DPF3: variants seen among roughly 807,000 people sequenced by gnomAD.
DPF3 encodes the protein double PHD fingers 3.
Under a neutral mutation model 56.8 loss-of-function variants are expected in DPF3, and 18 were observed. The observed-to-expected ratio is 0.32, with a 90% CI of 0.22 to 0.47. DPF3 has a LOEUF of 0.47. Ranked by LOEUF, DPF3 falls within the 20% of genes least tolerant of loss-of-function variation. The probability of loss-of-function intolerance (pLI) is 1.00; values close to 1 mark genes in which losing one functional copy is unlikely to be tolerated. For synonymous variants in DPF3, 188 were observed against 180.2 expected (o/e 1.04, Z -0.35); for missense variants, 403 against 488.8 (o/e 0.82, Z 1.65).
chr14:72,851,822 C>A (rs1360612095), intron 1 of DPF3, among the ~76,000 whole-genome samples: 1 of 152,216 alleles, frequency 6.6e-6, no homozygotes, highest in Non-Finnish European at 1.5e-5. Context: ...GGGTAGGCAA[C>A]CGATATGCCC....
intron 1 of DPF3, among the ~76,000 whole-genome samples, chr14:72,842,301 A>G (rs1280090267): frequency 6.6e-6 from 1 of 152,148 alleles, no homozygotes; most frequent in Non-Finnish European, 1.5e-5. Context: ...ACCACTACTC[A>G]TGGAAGACCC....
At chr14:72,892,348 T>A (rs961076430) in intron 1 of DPF3, 2 of 1,534,826 alleles carry the variant, frequency 1.3e-6, no homozygotes, top group Non-Finnish European at 1.7e-6. Flanking sequence ...AAACATTTTC[T>A]TTCTTGGGTG....
intron 9 of DPF3, 116 bp from the exon 10 acceptor site, chr14:72,620,100 C>G: frequency 1.9e-6 from 2 of 1,076,222 alleles, no homozygotes; most frequent in Non-Finnish European, 2.5e-6. Flanking sequence ...GATCCCCTTT[C>G]CAGGCCCCAC....
intron 4 of DPF3, chr14:72,724,167 C>T (rs1232569279): frequency 6.4e-6 from 1 of 155,484 alleles, no homozygotes; most frequent in African/African-American, 2.4e-5. Flanking sequence ...AAGCAAGTAA[C>T]TTCCTGTTCA....
chr14:72,693,324 T>G, intron 6 of DPF3, 111 bp from the exon 7 acceptor site: 1 of 1,296,492 alleles, frequency 7.7e-7, no homozygotes, highest in Non-Finnish European at 1.1e-6. Flanking sequence ...AGAGCCAGGC[T>G]TCCCTTAAAA....
intron 9 of DPF3, among the ~76,000 whole-genome samples, chr14:72,626,388 G>A (rs1320829064): frequency 6.6e-6 from 1 of 152,106 alleles, no homozygotes; most frequent in African/African-American, 2.4e-5. Context: ...GCAAATGCAT[G>A]TAGGTTTTCT....
In DPF3 at chr14:72,837,292, G is replaced by A. The variant is rs567540447; in HGVS notation, c.32+56765C>T. ...AAAGAAAGAAAACTCTTTCCTAAATGATCACTTGTCTCCAGCAGGTGTATC... is the reference window on the plus strand; with the variant it reads ...AAAGAAAGAAAACTCTTTCCTAAATAATCACTTGTCTCCAGCAGGTGTATC... On this transcript the variant is annotated intron_variant, in intron 1 of 10. Coordinates refer to ENST00000556509, the MANE Select transcript of DPF3 (RefSeq NM_001280542.3). Among the ~76,000 whole-genome samples the A allele has an allele frequency of 2.6e-3, 392 of 152,338 alleles. 4 individuals carry two copies. Among genetic ancestry groups the A allele is most frequent in the African/African-American group, 9.0e-3 (373 of 41,574 alleles).
At chr14:72,622,764 A>G (rs12435306) in intron 9 of DPF3, among the ~76,000 whole-genome samples, 47,597 of 151,876 alleles carry the variant, frequency 0.31, 8,714 homozygotes, top group East Asian at 0.68. Context: ...CTATTACTAC[A>G]GTTCCAGCAG....
chr14:72,753,523 C>A (rs933367202), intron 2 of DPF3, among the ~76,000 whole-genome samples, 152 bp from the exon 3 acceptor site: 3 of 152,172 alleles, frequency 2.0e-5, no homozygotes, highest in African/African-American at 7.2e-5. Flanking sequence ...CTAGTGGTGG[C>A]AAGGCTGAAT....
chr14:72,637,715 T>C (rs1311256426), intron 8 of DPF3, among the ~76,000 whole-genome samples: 1 of 152,172 alleles, frequency 6.6e-6, no homozygotes, highest in African/African-American at 2.4e-5. Context: ...AAAAATGGTA[T>C]TTTTAAAGAT....
intron 1 of DPF3, among the ~76,000 whole-genome samples, chr14:72,893,067 G>A (rs1886838289): frequency 6.6e-6 from 1 of 152,206 alleles, no homozygotes; most frequent in African/African-American, 2.4e-5. Context: ...ATTGGCTGTT[G>A]GACCCGGGGC....
rs112350748 is a variant in DPF3, at chr14:72,864,306, AC to A, written c.32+29750del. 8.0e-3 allele frequency among the ~76,000 whole-genome samples: 1,207 copies of A among 151,630 alleles called. 22 individuals are homozygous for A. Among genetic ancestry groups the A allele is most frequent in the African/African-American group, 0.026 (1,060 of 41,328 alleles). ...CCTTCTCAGTGAAGCCACCTCTCGCACCCCCTACAAGGGGACAAACCCACAC... is the reference window on the plus strand; with the variant it reads ...CCTTCTCAGTGAAGCCACCTCTCGCACCCCTACAAGGGGACAAACCCACAC... On this transcript the variant is annotated intron_variant, in intron 1 of 10. Transcript: ENST00000556509.
intron 4 of DPF3, 79 bp from the exon 5 acceptor site, chr14:72,723,807 G>A: frequency 1.5e-6 from 2 of 1,346,908 alleles, no homozygotes; most frequent in Non-Finnish European, 2.0e-6. Flanking sequence ...TTTTAAGGGT[G>A]TTCTGATTTG....
chr14:72,771,952 GA>G, intron 1 of DPF3, 59 bp from the exon 2 acceptor site: 1 of 1,404,468 alleles, frequency 7.1e-7, no homozygotes, highest in East Asian at 2.8e-5. Context: ...CACCCAGAGG[GA>G]AACACACCCA....
At chr14:72,831,734 G>A (rs28709260) in intron 1 of DPF3, among the ~76,000 whole-genome samples, 78 of 152,310 alleles carry the variant, frequency 5.1e-4, no homozygotes, top group African/African-American at 1.9e-3. Context: ...GGTGTACTAT[G>A]AGCTAAATCT....
intron 5 of DPF3, 150 bp from the exon 6 acceptor site, chr14:72,714,651 A>G (rs1386633154): frequency 2.6e-6 from 2 of 754,922 alleles, no homozygotes; most frequent in Non-Finnish European, 4.2e-6. Flanking sequence ...TGAGGCCCAG[A>G]GAGGTCAGGA....
rs147077044 is a variant in DPF3, at chr14:72,848,189, G to A, written c.32+45868C>T. Reference sequence around the variant, plus strand: ...TATTTTTTTTTGGACACAGAGTCTCGCTCTGTCGCCCAGGCTGGAGTGCAA... The same window carrying A: ...TATTTTTTTTTGGACACAGAGTCTCACTCTGTCGCCCAGGCTGGAGTGCAA... On this transcript the variant is annotated intron_variant, in intron 1 of 10. Transcript: ENST00000556509. Among the ~76,000 whole-genome samples the A allele has an allele frequency of 5.6e-4, 85 of 151,760 alleles. 2 individuals carry two copies. The East Asian group carries it at 0.015, about 26-fold the overall frequency.
At chr14:72,767,484 C>G (rs1461645471) in intron 2 of DPF3, among the ~76,000 whole-genome samples, 1 of 151,572 alleles carries the variant, frequency 6.6e-6, no homozygotes, top group Non-Finnish European at 1.5e-5. Context: ...AAAATTGTAA[C>G]AAAAAATAAA....
At chr14:72,692,402 C>G (rs747475245) in intron 7 of DPF3, among the ~76,000 whole-genome samples, 1 of 152,196 alleles carries the variant, frequency 6.6e-6, no homozygotes, top group Non-Finnish European at 1.5e-5. Context: ...TGCTAAGCCC[C>G]TTTGGATTCC....
Sources: allele counts gnomAD v4.1 joint callset (sites outside exome capture counted in the v4.1 genomes callset), GRCh38; gene constraint gnomAD v4.1.1; transcripts MANE v1.5; gene names NCBI Gene and HGNC (gene_info 2026-07-23, HGNC 2026-07-21).